Variants in DYNC2H1 observed in about 807,000 individuals in gnomAD.
DYNC2H1 encodes the protein cytoplasmic dynein 2 heavy chain 1.
In DYNC2H1, 410 loss-of-function variants were observed where a neutral mutation model predicts 570.0. The ratio of observed to expected loss-of-function variants is 0.72; its 90% CI spans 0.66 to 0.78. The LOEUF is 0.78. DYNC2H1 is among the 30% of genes least tolerant of loss of function. The pLI is 0.00. For synonymous variants in DYNC2H1, 1,688 were observed against 1,677.6 expected, an observed-to-expected ratio of 1.01 and a Z score of -0.15; for missense variants, 4,865 against 5,046.4, an observed-to-expected ratio of 0.96 and a Z score of 1.09.
At chr11:103,283,892 A>G (rs1356175015) in intron 73 of DYNC2H1, among the ~76,000 whole-genome samples, 4 of 151,972 alleles carry the variant, frequency 2.6e-5, no homozygotes, top group Non-Finnish European at 5.9e-5. Context: ...TTTTTCATTA[A>G]TCATTTATTT....
intron 36 of DYNC2H1, among the ~76,000 whole-genome samples, chr11:103,174,585 T>C (rs927352314): frequency 6.6e-6 from 1 of 152,150 alleles, no homozygotes. Flanking sequence ...GAGTAGAGCC[T>C]GATAATTTGT....
At chr11:103,420,621 C>A (rs1165806289) in intron 84 of DYNC2H1, among the ~76,000 whole-genome samples, 2 of 152,116 alleles carry the variant, frequency 1.3e-5, no homozygotes, top group Admixed American at 1.3e-4. Context: ...TCATATCTGG[C>A]CAACCAAGCT....
At chr11:103,187,204 G>A in intron 42 of DYNC2H1, 136 bp from the exon 43 acceptor site, 2 of 1,229,444 alleles carry the variant, frequency 1.6e-6, no homozygotes, top group Non-Finnish European at 2.2e-6. Context: ...AGCCATATCT[G>A]TATTTACCAT....
chr11:103,421,443 ATAAT>A (rs1424427658), intron 84 of DYNC2H1, among the ~76,000 whole-genome samples: 2 of 152,168 alleles, frequency 1.3e-5, no homozygotes, highest in African/African-American at 4.8e-5. Context: ...AATTGATCAC[ATAAT>A]TAATTGAAAT....
chr11:103,115,264 AT>A lies in DYNC2H1; in HGVS notation c.594del (p.Phe198LeufsTer21), dbSNP rs772844062. On this transcript the variant is annotated frameshift_variant, in exon 4 of 89. Transcript: ENST00000375735. LOFTEE classifies it high-confidence loss of function. ...CAGATTAGTAAAGAAAGAGCCAATT[AT>A]TTTAAAGAATTATTTGAAACAATTG... Reference protein sequence around the residue: ...NKQISKERANYFKELFETIAR... With the variant: ...NKQISKERANXFKELFETIAR... 6.3e-7 allele frequency: 1 copy of A among 1,597,588 alleles called. No homozygotes were observed. The highest frequency in any genetic ancestry group is 2.2e-5 in the East Asian group (1 of 44,492).
intron 82 of DYNC2H1, among the ~76,000 whole-genome samples, chr11:103,338,429 T>C (rs1939269343): frequency 6.6e-6 from 1 of 152,148 alleles, no homozygotes; most frequent in Admixed American, 6.5e-5. Flanking sequence ...GATATTTTGG[T>C]AGGGATTGCA....
intron 70 of DYNC2H1, among the ~76,000 whole-genome samples, chr11:103,263,254 A>G (rs1380939262): frequency 6.6e-6 from 1 of 152,094 alleles, no homozygotes; most frequent in East Asian, 1.9e-4. Flanking sequence ...ATGTAGTAAT[A>G]TTGAGAGAGT....
At chr11:103,379,883 T>C (rs1235180934) in intron 83 of DYNC2H1, among the ~76,000 whole-genome samples, 4 of 152,230 alleles carry the variant, frequency 2.6e-5, no homozygotes, top group Non-Finnish European at 5.9e-5. Context: ...ATATATTACT[T>C]AAATAATAAT....
chr11:103,242,436 A>G (rs1480095757), intron 63 of DYNC2H1, among the ~76,000 whole-genome samples: 1 of 152,160 alleles, frequency 6.6e-6, no homozygotes, highest in Non-Finnish European at 1.5e-5. Flanking sequence ...AACTGAAACC[A>G]TGAAAATAAA....
chr11:103,286,408 A>C (rs1866354451), intron 74 of DYNC2H1, 22 bp downstream of exon 74: 3 of 1,605,378 alleles, frequency 1.9e-6, no homozygotes, highest in Non-Finnish European at 8.5e-7. Context: ...TGTTATCTAA[A>C]TGCAAAAAAG....
chr11:103,115,361 C>A, intron 4 of DYNC2H1, 66 bp downstream of exon 4: 1 of 1,000,454 alleles, frequency 1.0e-6, no homozygotes, highest in South Asian at 1.8e-5. Context: ...TCAATTTTTA[C>A]AGCCTCTCTT....
chr11:103,118,725 A>C (rs1314382632), intron 6 of DYNC2H1, among the ~76,000 whole-genome samples: 1 of 152,302 alleles, frequency 6.6e-6, no homozygotes, highest in South Asian at 2.1e-4. Context: ...AGGTGCACCC[A>C]TTGTATTTGG....
At chr11:103,196,038 A>C (rs1862496259) in intron 47 of DYNC2H1, among the ~76,000 whole-genome samples, 1 of 152,226 alleles carries the variant, frequency 6.6e-6, no homozygotes, top group Non-Finnish European at 1.5e-5. Context: ...GAGAGATAGA[A>C]GATTCAAACA....
chr11:103,260,191 G>A (rs561951462), intron 70 of DYNC2H1, among the ~76,000 whole-genome samples: 11 of 152,288 alleles, frequency 7.2e-5, no homozygotes, highest in South Asian at 2.1e-4. Flanking sequence ...CAAACACTGC[G>A]TTAGCTGACT....
chr11:103,140,852 T>C (rs1281717771), intron 17 of DYNC2H1, among the ~76,000 whole-genome samples: 3 of 152,314 alleles, frequency 2.0e-5, no homozygotes, highest in African/African-American at 7.2e-5. Context: ...CCATCAGACG[T>C]AGATTTGGTC....
In DYNC2H1 at chr11:103,198,001, C is replaced by A. The variant is rs758481076; in HGVS notation, c.7777C>A (p.Pro2593Thr). 2 of 1,560,486 alleles carry A rather than the reference C, an allele frequency of 1.3e-6. No homozygotes were observed. The highest frequency in any genetic ancestry group is 1.2e-5 in the South Asian group (1 of 84,576). Residue 2593 changes from proline (P) to threonine (T), a missense_variant, in exon 48 of 89, where the codon CCT becomes ACT. This residue lies in a region of DYNC2H1 where 2,401 missense variants were observed against 2,454.6 expected (regional missense o/e 0.98). Coordinates refer to ENST00000375735, the MANE Select transcript of DYNC2H1 (RefSeq NM_001377.3). ...GARAAPGQPL[P>T]PHGKPLGKLN... Reference sequence around the variant, plus strand: ...AAGGGCAGCCCCAGGACAACCATTACCTCCACATGGAAAACCACTTGGAAA... The same window carrying A: ...AAGGGCAGCCCCAGGACAACCATTAACTCCACATGGAAAACCACTTGGAAA...
intron 85 of DYNC2H1, among the ~76,000 whole-genome samples, chr11:103,445,418 T>A (rs1944389965): frequency 6.6e-6 from 1 of 152,204 alleles, no homozygotes; most frequent in Non-Finnish European, 1.5e-5. Context: ...TTTTTACTTA[T>A]GTAGAGATTT....
intron 88 of DYNC2H1, among the ~76,000 whole-genome samples, chr11:103,475,620 G>T (rs989059376): frequency 5.9e-5 from 9 of 152,074 alleles, no homozygotes; most frequent in African/African-American, 2.2e-4. Context: ...TTTGAGAAGT[G>T]ACAAAATATC....
intron 32 of DYNC2H1, among the ~76,000 whole-genome samples, chr11:103,169,562 A>T (rs56399502): frequency 3.3e-5 from 5 of 152,112 alleles, no homozygotes; most frequent in African/African-American, 1.2e-4. Flanking sequence ...ACCCAAATCT[A>T]TCTACCTCAA....
Sources: allele counts gnomAD v4.1 joint callset (sites outside exome capture counted in the v4.1 genomes callset), GRCh38; gene constraint gnomAD v4.1.1; regional missense constraint gnomAD v4.1.1; transcripts MANE v1.5; gene names NCBI Gene and HGNC (gene_info 2026-07-23, HGNC 2026-07-21).